CAP1: variants seen among roughly 807,000 people sequenced by gnomAD.
CAP1 encodes the protein cyclase associated actin cytoskeleton regulatory protein 1.
In CAP1, 11 loss-of-function variants were observed where a neutral mutation model predicts 58.2. The ratio of observed to expected loss-of-function variants is 0.19; its 90% confidence interval spans 0.12 to 0.31. The LOEUF (loss-of-function observed/expected upper bound fraction) is 0.31, where lower values mean the gene tolerates loss of function less well. Ranked by LOEUF, CAP1 falls within the 10% of genes least tolerant of loss-of-function variation. CAP1 has a pLI of 1.00. For synonymous variants in CAP1, 183 were observed against 213.8 expected (o/e 0.86, Z 1.26); for missense variants, 423 against 587.5 (o/e 0.72, Z 2.89).
rs1457213870 is a variant in CAP1 at position 40,072,559 on chromosome 1, G to A, written c.*1026G>A. ...TTGGTGGGAAGAGAGATTGTCCTGT[G>A]ATTTCTACCCATTTCCTGAGGCCTG... On this transcript the variant is annotated 3_prime_UTR_variant, in exon 13 of 13. Transcript: ENST00000372805. 6.5e-6 allele frequency: 1 copy of A among 153,778 alleles called. No individual in the cohort carries two copies. The highest frequency in any genetic ancestry group is 1.5e-5 in the Non-Finnish European group (1 of 68,934). The allele number at this position is 153,778 out of a possible 1,614,324, so 9.5% of individuals were successfully genotyped here. A position where few individuals can be genotyped will look rare whatever the true frequency, so the allele number is the denominator to read the frequency against.
chr1:40,070,570 T>C (rs1647721346), intron 11 of CAP1, 58 bp downstream of exon 11: 1 of 1,329,018 alleles, frequency 7.5e-7, no homozygotes, highest in Non-Finnish European at 1.1e-6. Flanking sequence ...CAAAGAGACA[T>C]GGTAGACCCA....
At chr1:40,045,380 A>G (rs747747222) in intron 1 of CAP1, among the ~76,000 whole-genome samples, 2 of 152,082 alleles carry the variant, frequency 1.3e-5, no homozygotes, top group Non-Finnish European at 2.9e-5. Flanking sequence ...CAATGAATGA[A>G]TCATTTGTTT....
intron 4 of CAP1, among the ~76,000 whole-genome samples, chr1:40,063,418 C>A (rs986337614): frequency 6.6e-6 from 1 of 152,008 alleles, no homozygotes; most frequent in Admixed American, 6.5e-5. Flanking sequence ...CTCAAGCGAT[C>A]TGCCCACCTT....
rs1646051353 is a variant in CAP1 at position 40,045,511 on chromosome 1, G to A, written c.-11+4710G>A. 2.0e-5 allele frequency among the ~76,000 whole-genome samples: 3 copies of A among 152,082 alleles called. 1 individual carries two copies. In the South Asian group the frequency reaches 6.2e-4, roughly 32 times the overall value. On this transcript the variant is annotated intron_variant, in intron 1 of 12. Coordinates refer to ENST00000372805, the MANE Select transcript of CAP1 (RefSeq NM_006367.4). ...ACTTTTGGGCTCAAGTAATCTTCTC[G>A]CTTCAGCCTCCTGAGTAGCTGGGAC...
At chr1:40,056,147 A>G (rs1048187040) in intron 1 of CAP1, among the ~76,000 whole-genome samples, 2 of 152,170 alleles carry the variant, frequency 1.3e-5, no homozygotes, top group South Asian at 2.1e-4. Context: ...CTTATCCACT[A>G]TATAATACTG....
At chr1:40,051,456 A>C (rs1446123830) in intron 1 of CAP1, among the ~76,000 whole-genome samples, 1 of 152,008 alleles carries the variant, frequency 6.6e-6, no homozygotes, top group Non-Finnish European at 1.5e-5. Flanking sequence ...CAGTAGTCCC[A>C]GCTACTCAGG....
chr1:40,049,073 A>G (rs1225698172), intron 1 of CAP1, among the ~76,000 whole-genome samples: 1 of 151,504 alleles, frequency 6.6e-6, no homozygotes, highest in Non-Finnish European at 1.5e-5. Flanking sequence ...ACCTGGTTCC[A>G]TTTACTTCTG....
intron 7 of CAP1, 75 bp from the exon 8 acceptor site, chr1:40,067,465 C>A: frequency 7.6e-7 from 1 of 1,311,894 alleles, no homozygotes; most frequent in Non-Finnish European, 1.0e-6. Context: ...TGCACTGGCC[C>A]ATGTAGGGCA....
At chr1:40,042,977 G>A (rs1645908019) in intron 1 of CAP1, among the ~76,000 whole-genome samples, 1 of 152,036 alleles carries the variant, frequency 6.6e-6, no homozygotes, top group Non-Finnish European at 1.5e-5. Context: ...TTAGGGAAGT[G>A]ACATGGGAAA....
chr1:40,070,783 T>TA (rs2124448671), intron 11 of CAP1, 53 bp from the exon 12 acceptor site: 2 of 1,524,594 alleles, frequency 1.3e-6, no homozygotes, highest in East Asian at 4.5e-5. Context: ...TCCTGCGACT[T>TA]ACTGTTGTCC....
At chr1:40,045,281 T>C (rs1029967784) in intron 1 of CAP1, among the ~76,000 whole-genome samples, 3 of 152,192 alleles carry the variant, frequency 2.0e-5, no homozygotes, top group Non-Finnish European at 4.4e-5. Flanking sequence ...GCTATGATTG[T>C]ACAATGTCCC....
intron 6 of CAP1, among the ~76,000 whole-genome samples, chr1:40,065,447 A>G (rs1647028259): frequency 6.6e-6 from 1 of 151,968 alleles, no homozygotes; most frequent in African/African-American, 2.4e-5. Flanking sequence ...TTTATTAACT[A>G]CTCTTTTTAA....
chr1:40,067,847 T>G, intron 8 of CAP1, 130 bp downstream of exon 8: 1 of 603,398 alleles, frequency 1.7e-6, no homozygotes, highest in Non-Finnish European at 2.8e-6. Flanking sequence ...TCCTGTTCCT[T>G]TAAGGGACGG....
At chr1:40,050,257 A>G (rs1397394030) in intron 1 of CAP1, among the ~76,000 whole-genome samples, 1 of 151,770 alleles carries the variant, frequency 6.6e-6, no homozygotes, top group African/African-American at 2.4e-5. Flanking sequence ...CAGGGAGACT[A>G]TTTTACCTTT....
At chr1:40,046,831 G>A (rs1434239706) in intron 1 of CAP1, among the ~76,000 whole-genome samples, 2 of 149,738 alleles carry the variant, frequency 1.3e-5, no homozygotes, top group Non-Finnish European at 3.0e-5. Context: ...GGAGTGCAGT[G>A]GCACGATCTT....
At chr1:40,056,300 A>T (rs1570381078) in intron 1 of CAP1, among the ~76,000 whole-genome samples, 1 of 146,804 alleles carries the variant, frequency 6.8e-6, no homozygotes. Flanking sequence ...TGAAAGCTGG[A>T]TTTTTTTTTT....
chr1:40,066,239 C>G lies in CAP1; in HGVS notation c.549C>G (p.Val183=), dbSNP rs201351865. 1.0e-3 allele frequency: 1,610 copies of G among 1,606,834 alleles called. No individual in the cohort carries two copies. Among genetic ancestry groups the G allele is most frequent in the Non-Finnish European group, 1.3e-3 (1,541 of 1,174,618 alleles). The change falls in exon 7 of 13, where the codon GTC becomes GTG. Residue 183 remains valine (V), a synonymous_variant. Coordinates refer to ENST00000372805, the MANE Select transcript of CAP1 (RefSeq NM_006367.4). ...GGGATAAGAAGCATGTAGACTGGGT[C>G]AAAGCTTATTTAAGTATATGGACAG... is the stretch of plus-strand genomic sequence containing the variant. ...KDVDKKHVDW[V]KAYLSIWTEL...
In CAP1 at chr1:40,067,531, T is replaced by C. The variant is rs1331477963; in HGVS notation, c.631-9T>C. ...AGGATGATGATGTTACCTGCACTTA[T>C]TGTTCCAGGGGCCTGTGGCAAAAGA... is the stretch of plus-strand genomic sequence containing the variant. On this transcript the variant is annotated splice_polypyrimidine_tract_variant and intron_variant, in intron 7 of 12. Coordinates refer to ENST00000372805, the MANE Select transcript of CAP1 (RefSeq NM_006367.4). 8.7e-6 allele frequency: 14 copies of C among 1,603,648 alleles called. No individual in the cohort carries two copies. Among genetic ancestry groups the C allele is most frequent in the African/African-American group, 2.7e-5 (2 of 74,522 alleles).
chr1:40,045,776 G>T (rs1161246660), intron 1 of CAP1, among the ~76,000 whole-genome samples: 1 of 152,054 alleles, frequency 6.6e-6, no homozygotes, highest in Non-Finnish European at 1.5e-5. Context: ...GGCTGGTCTC[G>T]AACTCCTCAA....
Sources: allele counts gnomAD v4.1 joint callset (sites outside exome capture counted in the v4.1 genomes callset), GRCh38; gene constraint gnomAD v4.1.1; transcripts MANE v1.5; gene names NCBI Gene and HGNC (gene_info 2026-07-23, HGNC 2026-07-21).